ULK4: variants seen among roughly 807,000 people sequenced by gnomAD.
The protein encoded by ULK4 is unc-51 like kinase 4, also known as inactive serine/threonine-protein kinase ULK4.
ULK4 carries 133 observed loss-of-function variants against 160.6 expected under a neutral mutation model. The observed-to-expected ratio is 0.83, with a 90% confidence interval of 0.72 to 0.96. The LOEUF (loss-of-function observed/expected upper bound fraction) is 0.96, where lower values mean the gene tolerates loss of function less well. Ranked by LOEUF, ULK4 falls within the 40% of genes least tolerant of loss-of-function variation. The probability of loss-of-function intolerance (pLI) is 0.00; values close to 1 mark genes in which losing one functional copy is unlikely to be tolerated. For missense variants in ULK4, 1,580 were observed against 1,499.5 expected, an observed-to-expected ratio of 1.05 and a Z score of -0.89; for synonymous variants, 534 against 539.8, an observed-to-expected ratio of 0.99 and a Z score of 0.15.
rs79404258 is a variant in ULK4 at position 41,402,720 on chromosome 3, T to C, written c.3493-4456A>G. ...TCTGGGATAAATTCTGCTCTGCTCA[T>C]TCTCTTTATACATTGATGTATTCAA... On this transcript the variant is annotated intron_variant, in intron 34 of 36. Transcript: ENST00000301831. Among the ~76,000 whole-genome samples the C allele has an allele frequency of 2.4e-3, 367 of 152,322 alleles. 2 individuals are homozygous for C. Among genetic ancestry groups the C allele is most frequent in the East Asian group, 0.015 (79 of 5,186 alleles).
intron 16 of ULK4, among the ~76,000 whole-genome samples, chr3:41,893,635 CATT>C (rs144578724): frequency 0.12 from 18,969 of 151,956 alleles, 1,341 homozygotes; most frequent in Middle Eastern, 0.26. Flanking sequence ...TTATTTACAA[CATT>C]ATAATACTAT....
At chr3:41,466,709 T>C (rs2083844847) in intron 32 of ULK4, among the ~76,000 whole-genome samples, 1 of 152,074 alleles carries the variant, frequency 6.6e-6, no homozygotes, top group Non-Finnish European at 1.5e-5. Flanking sequence ...TAAAAAATAA[T>C]AAATAAGGAA....
At position 41,560,846 on chromosome 3, in the gene ULK4, AC is replaced by A. The variant is rs373191366; in HGVS notation, c.3226+5178del. Among the ~76,000 whole-genome samples the A allele has an allele frequency of 1.2e-4, 19 of 152,156 alleles. No individual in the cohort carries two copies. In the Middle Eastern group the frequency reaches 0.017, roughly 136 times the overall value. On this transcript the variant is annotated intron_variant, in intron 32 of 36. Coordinates refer to ENST00000301831, the MANE Select transcript of ULK4 (RefSeq NM_017886.4). ...TGACTTCCTCCTTTCCTAATTAAAT[AC>A]CCTTTATTTCTTTTTCTTGCCTGAC... is the stretch of plus-strand genomic sequence containing the variant.
rs192681479 is a variant in ULK4 at position 41,456,693 on chromosome 3, G to A, written c.3394-1098C>T. ...TTTCCATTTGCTATAATATGTAGAC[G>A]CCCTTCCTCTCTGTTTTTACGTTTA... On this transcript the variant is annotated intron_variant, in intron 33 of 36. Coordinates refer to ENST00000301831, the MANE Select transcript of ULK4 (RefSeq NM_017886.4). 4.4e-4 allele frequency among the ~76,000 whole-genome samples: 67 copies of A among 152,154 alleles called. No homozygotes were observed. In the East Asian group the frequency reaches 0.011, roughly 25 times the overall value.
rs566581155 is a variant in ULK4, at chr3:41,564,527, C to T, written c.3226+1498G>A. On this transcript the variant is annotated intron_variant, in intron 32 of 36. Coordinates refer to ENST00000301831, the MANE Select transcript of ULK4 (RefSeq NM_017886.4). ...AGGCTGGAGTGCAGTGGTGCAATCT[C>T]GGCTCACTGCAACCTCCACCTCCCC... Among the ~76,000 whole-genome samples the T allele has an allele frequency of 4.7e-3, 654 of 140,306 alleles. 3 individuals are homozygous for T. Among genetic ancestry groups the T allele is most frequent in the African/African-American group, 0.017 (626 of 37,516 alleles). 92.0% of individuals were successfully genotyped at this position (140,306 alleles called of 152,430 possible). A position where few individuals can be genotyped will look rare whatever the true frequency, so the allele number is the denominator to read the frequency against.
At chr3:41,908,893 G>T (rs1435095028) in intron 11 of ULK4, among the ~76,000 whole-genome samples, 3 of 152,046 alleles carry the variant, frequency 2.0e-5, no homozygotes, top group Non-Finnish European at 4.4e-5. Context: ...AGGAGTTTGA[G>T]ACCAGTCTGG....
chr3:41,824,815 T>C (rs539330643), intron 18 of ULK4, among the ~76,000 whole-genome samples: 4 of 151,710 alleles, frequency 2.6e-5, no homozygotes, highest in East Asian at 3.9e-4. Flanking sequence ...TTGAAGAGAG[T>C]AGTGGTTCTC....
intron 18 of ULK4, among the ~76,000 whole-genome samples, chr3:41,822,811 T>A (rs796754891): frequency 1.2e-4 from 17 of 142,958 alleles, no homozygotes; most frequent in African/African-American, 4.3e-4. Flanking sequence ...AAGCTCCGCC[T>A]CCCAGGTTCA....
chr3:41,555,294 T>A (rs537243380), intron 32 of ULK4, among the ~76,000 whole-genome samples: 3 of 148,498 alleles, frequency 2.0e-5, no homozygotes, highest in Non-Finnish European at 4.5e-5. Flanking sequence ...ATGTCCAGCA[T>A]CTATAAAGAA....
At chr3:41,545,142 A>C (rs73830223) in intron 32 of ULK4, among the ~76,000 whole-genome samples, 4,955 of 152,106 alleles carry the variant, frequency 0.033, 265 homozygotes, top group African/African-American at 0.11. Flanking sequence ...CTTTCTGGAA[A>C]CCTACCTAGT....
At chr3:41,497,154 G>T (rs926942164) in intron 32 of ULK4, among the ~76,000 whole-genome samples, 2 of 151,702 alleles carry the variant, frequency 1.3e-5, no homozygotes, top group African/African-American at 4.8e-5. Context: ...TGAATTAACA[G>T]ATCTGAACTC....
Position 41,455,568 on chromosome 3 carries a change from G to T in ULK4, c.3421C>A (p.Pro1141Thr), listed in dbSNP as rs1419266792. The change falls in exon 34 of 37, where the codon CCT (proline) becomes ACT (threonine). Residue 1141 changes from proline to threonine, a missense_variant. Pro to Thr is a conservative substitution (Grantham distance 38). Coordinates refer to ENST00000301831, the MANE Select transcript of ULK4 (RefSeq NM_017886.4). ...QAQKSGSGED[P>T]QAAEDLLLLN... ...AGCAGCAGGTCTTCTGCAGCCTGAG[G>T]GTCCTCTCCTGAGCCAGACTTCTGG... 3 of 1,613,858 alleles carry T rather than the reference G, an allele frequency of 1.9e-6. No homozygotes were observed. In the African/African-American group the frequency reaches 4.0e-5, roughly 22 times the overall value.
intron 35 of ULK4, among the ~76,000 whole-genome samples, chr3:41,363,924 T>TTC (rs1223968337): frequency 5.7e-5 from 8 of 140,714 alleles, no homozygotes; most frequent in African/African-American, 1.9e-4. Context: ...TCCATCCAAA[T>TTC]TCTCTCTCTT....
intron 34 of ULK4, among the ~76,000 whole-genome samples, chr3:41,421,357 G>A (rs1345402591): frequency 6.6e-6 from 1 of 151,982 alleles, no homozygotes; most frequent in Admixed American, 6.5e-5. Flanking sequence ...ACTAGTAGTG[G>A]CATTCTTCTC....
chr3:41,699,527 AAAC>A (rs146499952), intron 27 of ULK4, among the ~76,000 whole-genome samples: 3,190 of 152,300 alleles, frequency 0.021, 100 homozygotes, highest in African/African-American at 0.067. Flanking sequence ...TCGCTGTACA[AAAC>A]AAATCGTGGC....
chr3:41,827,930 A>C (rs2041424551), intron 18 of ULK4, among the ~76,000 whole-genome samples: 1 of 152,100 alleles, frequency 6.6e-6, no homozygotes, highest in Admixed American at 6.5e-5. Flanking sequence ...ATCCAGCAGC[A>C]CATCAAAAAG....
chr3:41,517,100 G>A (rs1331563643), intron 32 of ULK4, among the ~76,000 whole-genome samples: 2 of 152,090 alleles, frequency 1.3e-5, no homozygotes, highest in East Asian at 1.9e-4. Context: ...ATATACAGAT[G>A]GCAAATGAGC....
chr3:41,759,776 G>A (rs1349521529), intron 21 of ULK4, among the ~76,000 whole-genome samples: 24 of 152,058 alleles, frequency 1.6e-4, no homozygotes. Flanking sequence ...TAGACACATA[G>A]AACAAGGAAA....
At chr3:41,943,743 C>T (rs1273991131) in intron 2 of ULK4, among the ~76,000 whole-genome samples, 2 of 152,112 alleles carry the variant, frequency 1.3e-5, no homozygotes, top group African/African-American at 2.4e-5. Context: ...TGCCTTACCT[C>T]AACTATCCAT....
Sources: allele counts gnomAD v4.1 joint callset (sites outside exome capture counted in the v4.1 genomes callset), GRCh38; gene constraint gnomAD v4.1.1; transcripts MANE v1.5; gene names NCBI Gene and HGNC (gene_info 2026-07-23, HGNC 2026-07-21).